Variants in MCM9 observed in about 807,000 individuals in gnomAD.
MCM9 encodes minichromosome maintenance 9 homologous recombination repair factor.
A neutral mutation model predicts 72.8 loss-of-function variants in MCM9; 55 were observed. The ratio of observed to expected loss-of-function variants is 0.76; its 90% CI spans 0.61 to 0.95. The LOEUF is 0.95. MCM9 is among the 40% of genes least tolerant of loss of function. The probability of loss-of-function intolerance (pLI) is 0.00; values close to 1 mark genes in which losing one functional copy is unlikely to be tolerated. For synonymous variants in MCM9, 480 were observed against 503.4 expected (o/e 0.95, Z 0.62); for missense variants, 1,279 against 1,377.0 (o/e 0.93, Z 1.13).
At position 118,923,929 on chromosome 6, in the gene MCM9, C is replaced by A. The variant is rs34665713; in HGVS notation, c.503G>T (p.Arg168Leu). ...CTCCAAGCTGGGACACGAGGATGGC[C>A]GGCAAAAGGTGTAATACTGCTCAAA... is the stretch of plus-strand genomic sequence containing the variant. The part of the protein sequence containing the change: ...ADFEQYYTFC[R>L]PSSCPSLESC... Residue 168 changes from arginine to leucine, a missense_variant, in exon 4 of 14, where the codon CGG becomes CTG. Physicochemically the swap from Arg to Leu is moderately radical, Grantham distance 102. Transcript: ENST00000619706. The A allele has an allele frequency of 3.1e-6, 5 of 1,614,140 alleles. No homozygotes were observed. Among genetic ancestry groups the A allele is most frequent in the Non-Finnish European group, 2.5e-6 (3 of 1,180,022 alleles).
intron 6 of MCM9, 63 bp downstream of exon 6, chr6:118,917,498 T>C: frequency 6.8e-7 from 1 of 1,479,998 alleles, no homozygotes; most frequent in Non-Finnish European, 9.4e-7. Flanking sequence ...ATCACAGACA[T>C]CATATTTAAC....
At chr6:118,887,697 C>G (rs1367658419) in intron 8 of MCM9, among the ~76,000 whole-genome samples, 2 of 151,786 alleles carry the variant, frequency 1.3e-5, no homozygotes, top group African/African-American at 4.8e-5. Flanking sequence ...ATAATCCAAA[C>G]AACTAGAGAA....
At chr6:118,844,779 A>G (rs529484331) in intron 9 of MCM9, among the ~76,000 whole-genome samples, 2 of 151,938 alleles carry the variant, frequency 1.3e-5, no homozygotes, top group South Asian at 4.1e-4. Context: ...CCTCCTATAC[A>G]CACTGATTGT....
Position 118,931,749 on chromosome 6 carries a change from A to T in MCM9, c.-15-11T>A. The T allele has an allele frequency of 6.4e-7, 1 of 1,553,924 alleles. No homozygotes were observed. On this transcript the variant is annotated splice_polypyrimidine_tract_variant and intron_variant, in intron 2 of 13. Coordinates refer to ENST00000619706, the MANE Select transcript of MCM9 (RefSeq NM_017696.3). ...CTTGAATCTAGGTAACTAAAGAAAA[A>T]AAAAAGGATCATATTATATATTTGA...
At chr6:118,895,027 C>T (rs752352584) in intron 8 of MCM9, among the ~76,000 whole-genome samples, 18 of 152,178 alleles carry the variant, frequency 1.2e-4, no homozygotes, top group Non-Finnish European at 1.2e-4. Context: ...GCCCGCCTGC[C>T]CCCGGCGAAA....
intron 13 of MCM9, among the ~76,000 whole-genome samples, chr6:118,816,627 T>TATAA (rs1773426017): frequency 1.3e-5 from 2 of 152,206 alleles, no homozygotes; most frequent in South Asian, 4.1e-4. Flanking sequence ...AATCCTCAGC[T>TATAA]TTATCTCTCA....
At chr6:118,826,731 A>G (rs1774192706) in intron 12 of MCM9, 51 bp downstream of exon 12, 1 of 1,394,462 alleles carries the variant, frequency 7.2e-7, no homozygotes, top group Non-Finnish European at 9.8e-7. Context: ...TTTTTTAAAA[A>G]AAAGAAAGTT....
chr6:118,884,334 T>C (rs936002291), intron 8 of MCM9, among the ~76,000 whole-genome samples: 2 of 152,182 alleles, frequency 1.3e-5, no homozygotes, highest in Admixed American at 1.3e-4. Flanking sequence ...ACAACATTTC[T>C]GTATCTCAGT....
At chr6:118,880,624 G>T (rs1778227079) in intron 8 of MCM9, among the ~76,000 whole-genome samples, 1 of 152,144 alleles carries the variant, frequency 6.6e-6, no homozygotes, top group Non-Finnish European at 1.5e-5. Context: ...TTGTCTCTTT[G>T]TCTCTGTCTT....
chr6:118,866,825 G>C (rs1396117408), intron 8 of MCM9, among the ~76,000 whole-genome samples: 2 of 152,086 alleles, frequency 1.3e-5, no homozygotes, highest in African/African-American at 4.8e-5. Context: ...GAGACAGGAA[G>C]CCCAAACAAT....
In MCM9 at chr6:118,816,255, T is replaced by C; in HGVS notation, c.2001A>G (p.Val667=). 1.3e-6 allele frequency: 2 copies of C among 1,549,096 alleles called. No homozygotes were observed. The highest frequency in any genetic ancestry group is 1.4e-5 in the African/African-American group (1 of 73,126). The change falls in exon 14 of 14, where the codon GTA becomes GTG. Residue 667 remains valine, a synonymous_variant. Transcript: ENST00000619706. The stretch of plus-strand genomic sequence containing the variant: ...ATCCTGGAGTAGTCTCTACCTCCAA[T>C]ACCCGTGGTTGGGATTGGTGCACAC... ...NQSVHQSQPR[V]LEVETTPGSL...
At chr6:118,900,923 G>A (rs373551056) in intron 8 of MCM9, 14 of 1,325,566 alleles carry the variant, frequency 1.1e-5, no homozygotes, top group Admixed American at 5.0e-5. Flanking sequence ...AATATGTTTC[G>A]AAGTAGACTA....
chr6:118,822,123 C>T (rs769004670), intron 13 of MCM9, among the ~76,000 whole-genome samples: 3 of 152,182 alleles, frequency 2.0e-5, no homozygotes, highest in Admixed American at 6.5e-5. Context: ...AAGCCTACTT[C>T]TGTCAATTCG....
At position 118,827,996 on chromosome 6, in the gene MCM9, G is replaced by A. The variant is rs1203093631; in HGVS notation, c.1663C>T (p.Gln555Ter). Residue 555 changes from glutamine to a stop codon, truncating the protein, a stop_gained, in exon 11 of 14, where the codon CAG becomes TAG. Coordinates refer to ENST00000619706, the MANE Select transcript of MCM9 (RefSeq NM_017696.3). LOFTEE classifies it high-confidence loss of function. ...VLLRYYQMQR[Q>*]SDCRNAARTT... ...CGGGCAGCGTTCCGGCAATCACTCT[G>A]CCTTTGCATCTGGTAGTACCGGAGA... 4 of 1,550,958 alleles carry A rather than the reference G, an allele frequency of 2.6e-6. No individual in the cohort carries two copies. The South Asian group carries it at 3.6e-5, about 14-fold the overall frequency.
chr6:118,913,922 T>C (rs1780741979), intron 6 of MCM9, among the ~76,000 whole-genome samples: 1 of 152,188 alleles, frequency 6.6e-6, no homozygotes, highest in Non-Finnish European at 1.5e-5. Context: ...GTACTTTCTA[T>C]GTGACAATTT....
chr6:118,899,975 T>C (rs1371164611), intron 8 of MCM9, among the ~76,000 whole-genome samples: 2 of 152,086 alleles, frequency 1.3e-5, no homozygotes, highest in Non-Finnish European at 2.9e-5. Context: ...GTTCTACTCA[T>C]CTCTGGGTTC....
intron 8 of MCM9, among the ~76,000 whole-genome samples, chr6:118,898,652 A>G (rs980101040): frequency 3.3e-5 from 5 of 152,148 alleles, no homozygotes; most frequent in African/African-American, 1.2e-4. Context: ...TCCTGACCTC[A>G]AGCCATCCAG....
chr6:118,923,340 G>A (rs1393001495), intron 4 of MCM9, among the ~76,000 whole-genome samples: 4 of 150,340 alleles, frequency 2.7e-5, no homozygotes, highest in African/African-American at 9.8e-5. Context: ...CTAGAATGCA[G>A]ATGCATGATC....
chr6:118,877,920 T>C (rs570998520), intron 8 of MCM9, among the ~76,000 whole-genome samples: 1 of 152,128 alleles, frequency 6.6e-6, no homozygotes, highest in Non-Finnish European at 1.5e-5. Context: ...CTCAACACTT[T>C]AGGAGGCTGA....
Sources: allele counts gnomAD v4.1 joint callset (sites outside exome capture counted in the v4.1 genomes callset), GRCh38; gene constraint gnomAD v4.1.1; transcripts MANE v1.5; gene names NCBI Gene and HGNC (gene_info 2026-07-23, HGNC 2026-07-21).